GALNTL6: variants seen among roughly 807,000 people sequenced by gnomAD.
GALNTL6 encodes the protein polypeptide N-acetylgalactosaminyltransferase-like 6.
In GALNTL6, 46 loss-of-function variants were observed where a neutral mutation model predicts 73.7. The observed-to-expected ratio is 0.62, with a 90% CI of 0.49 to 0.80. The LOEUF (loss-of-function observed/expected upper bound fraction) is 0.80, where lower values mean the gene tolerates loss of function less well. GALNTL6 is among the 30% of genes least tolerant of loss of function. The probability of loss-of-function intolerance (pLI) is 0.00; values close to 1 mark genes in which losing one functional copy is unlikely to be tolerated. For synonymous variants in GALNTL6, 259 were observed against 263.7 expected (o/e 0.98, Z 0.17); for missense variants, 604 against 755.0 (o/e 0.80, Z 2.34).
At chr4:172,789,655 A>T (rs555900451) in intron 5 of GALNTL6, among the ~76,000 whole-genome samples, 3 of 152,158 alleles carry the variant, frequency 2.0e-5, no homozygotes, top group Non-Finnish European at 4.4e-5. Flanking sequence ...GTCTTCAGCT[A>T]TCCAAAAGCT....
intron 5 of GALNTL6, among the ~76,000 whole-genome samples, chr4:172,356,859 G>A (rs985496889): frequency 6.6e-6 from 1 of 151,990 alleles, no homozygotes; most frequent in East Asian, 1.9e-4. Context: ...GGTATCCAAG[G>A]TTCCTTTCTT....
intron 5 of GALNTL6, among the ~76,000 whole-genome samples, chr4:172,672,092 T>A (rs1365167094): frequency 6.6e-6 from 1 of 152,180 alleles, no homozygotes; most frequent in Non-Finnish European, 1.5e-5. Flanking sequence ...GGTTTCACCA[T>A]GTTGGCCAGG....
intron 5 of GALNTL6, among the ~76,000 whole-genome samples, chr4:172,806,599 C>T (rs924233012): frequency 6.6e-6 from 1 of 152,178 alleles, no homozygotes. Flanking sequence ...TTACTCATTT[C>T]TCCTCCTCTC....
At chr4:172,040,550 C>T (rs1486934067) in intron 2 of GALNTL6, among the ~76,000 whole-genome samples, 1 of 152,018 alleles carries the variant, frequency 6.6e-6, no homozygotes, top group Non-Finnish European at 1.5e-5. Flanking sequence ...TCAATTTCTA[C>T]CATGCCATTA....
intron 4 of GALNTL6, 45 bp downstream of exon 4, chr4:172,311,797 T>A: frequency 7.3e-7 from 1 of 1,373,274 alleles, no homozygotes; most frequent in Non-Finnish European, 9.6e-7. Context: ...TTTTTGGTTT[T>A]TTTTGTCCTT....
intron 5 of GALNTL6, among the ~76,000 whole-genome samples, chr4:172,639,239 G>A (rs1031829833): frequency 7.2e-5 from 11 of 151,990 alleles, no homozygotes; most frequent in African/African-American, 1.4e-4. Context: ...TTACTGTAAC[G>A]TTTGCCAACT....
chr4:172,297,518 G>T (rs1283404459), intron 3 of GALNTL6, among the ~76,000 whole-genome samples: 1 of 152,124 alleles, frequency 6.6e-6, no homozygotes. Context: ...AATCCATCTT[G>T]AATTAATTTT....
chr4:171,918,858 G>T (rs1466159420), intron 2 of GALNTL6, among the ~76,000 whole-genome samples: 1 of 152,032 alleles, frequency 6.6e-6, no homozygotes, highest in African/African-American at 2.4e-5. Flanking sequence ...GAAACTTGAG[G>T]ACATATGCTA....
chr4:172,545,116 A>G (rs1257133742), intron 5 of GALNTL6, among the ~76,000 whole-genome samples: 1 of 152,156 alleles, frequency 6.6e-6, no homozygotes, highest in Non-Finnish European at 1.5e-5. Flanking sequence ...ATTCTTGCAT[A>G]TTGGTAACAT....
intron 5 of GALNTL6, among the ~76,000 whole-genome samples, chr4:172,536,164 G>C (rs1735338869): frequency 1.3e-5 from 2 of 152,142 alleles, no homozygotes; most frequent in Admixed American, 1.3e-4. Flanking sequence ...TGCCTCCCCA[G>C]CTATGTGGAT....
intron 5 of GALNTL6, among the ~76,000 whole-genome samples, chr4:172,620,194 G>C (rs777773164): frequency 6.6e-6 from 1 of 152,194 alleles, no homozygotes; most frequent in Non-Finnish European, 1.5e-5. Flanking sequence ...GGAGTTTAAA[G>C]AAAGGGAGAG....
intron 5 of GALNTL6, among the ~76,000 whole-genome samples, chr4:172,602,187 A>G (rs1306610356): frequency 6.6e-6 from 1 of 152,160 alleles, no homozygotes; most frequent in Non-Finnish European, 1.5e-5. Flanking sequence ...CATCACTAGC[A>G]TTTCACTGCA....
intron 5 of GALNTL6, among the ~76,000 whole-genome samples, chr4:172,709,608 C>A (rs1329874431): frequency 6.6e-6 from 1 of 152,078 alleles, no homozygotes; most frequent in East Asian, 1.9e-4. Flanking sequence ...TGTCAGCAAC[C>A]AGGGCCCTCA....
At chr4:172,551,481 A>G (rs1309364817) in intron 5 of GALNTL6, among the ~76,000 whole-genome samples, 2 of 152,104 alleles carry the variant, frequency 1.3e-5, no homozygotes, top group African/African-American at 4.8e-5. Context: ...TAAAATCATA[A>G]AATTCATCTT....
intron 5 of GALNTL6, among the ~76,000 whole-genome samples, chr4:172,741,665 A>G (rs898341516): frequency 3.3e-5 from 5 of 151,956 alleles, no homozygotes; most frequent in Non-Finnish European, 7.4e-5. Context: ...ATATAGAAGA[A>G]TATATATAGA....
intron 8 of GALNTL6, among the ~76,000 whole-genome samples, chr4:172,913,535 AG>A (rs1747330491): frequency 6.6e-6 from 1 of 152,232 alleles, no homozygotes; most frequent in African/African-American, 2.4e-5. Context: ...AACAGCATAG[AG>A]AAGACCTTAA....
In GALNTL6 at chr4:172,171,916, A is replaced by G. The variant is rs545206855; in HGVS notation, c.139-57740A>G. ...AGCCCCAAAAGTTTTGTAGCCATCC[A>G]TGTAGCCCAGCTCAGAAGCAACACT... On this transcript the variant is annotated intron_variant, in intron 2 of 12. Transcript: ENST00000506823. Among the ~76,000 whole-genome samples the G allele has an allele frequency of 1.2e-4, 18 of 152,292 alleles. No individual in the cohort carries two copies. In the South Asian group the frequency reaches 3.5e-3, roughly 30 times the overall value.
intron 5 of GALNTL6, among the ~76,000 whole-genome samples, chr4:172,432,776 T>TA (rs554960763): frequency 2.0e-5 from 3 of 151,314 alleles, no homozygotes; most frequent in African/African-American, 2.4e-5. Context: ...AAATTTGACT[T>TA]AAAAAAAAAT....
chr4:172,716,458 A>C (rs965244728), intron 5 of GALNTL6, among the ~76,000 whole-genome samples: 1 of 151,616 alleles, frequency 6.6e-6, no homozygotes, highest in Non-Finnish European at 1.5e-5. Flanking sequence ...ATCTTGATGA[A>C]AGCTCATTAT....
Sources: allele counts gnomAD v4.1 joint callset (sites outside exome capture counted in the v4.1 genomes callset), GRCh38; gene constraint gnomAD v4.1.1; transcripts MANE v1.5; gene names NCBI Gene and HGNC (gene_info 2026-07-23, HGNC 2026-07-21).